The following RALB variants were observed in gnomAD, a reference collection of about 807,000 sequenced individuals.
RALB encodes the protein RAS like proto-oncogene B, also known as ras-related protein Ral-B.
A neutral mutation model predicts 21.3 loss-of-function variants in RALB; 16 were observed. The observed-to-expected ratio is 0.75, with a 90% CI of 0.51 to 1.14. The LOEUF (loss-of-function observed/expected upper bound fraction) is 1.14, where lower values mean the gene tolerates loss of function less well. Ranked by LOEUF, RALB falls within the 50% of genes most tolerant of loss-of-function variation. RALB has a pLI of 0.00. For synonymous variants in RALB, 93 were observed against 96.1 expected (o/e 0.97, Z 0.19); for missense variants, 161 against 256.2 (o/e 0.63, Z 2.54).
intron 1 of RALB, among the ~76,000 whole-genome samples, chr2:120,260,924 G>T (rs757466394): frequency 6.6e-6 from 1 of 152,194 alleles, no homozygotes; most frequent in Non-Finnish European, 1.5e-5. Context: ...AATGGTTTCC[G>T]TAAATAGTGA....
intron 1 of RALB, among the ~76,000 whole-genome samples, chr2:120,269,415 C>A (rs1260157164): frequency 6.6e-6 from 1 of 152,138 alleles, no homozygotes; most frequent in African/African-American, 2.4e-5. Flanking sequence ...GTGACCTGAG[C>A]AGGTTGCTGC....
chr2:120,278,900 G>T, intron 2 of RALB, 122 bp downstream of exon 2: 2 of 924,726 alleles, frequency 2.2e-6, no homozygotes, highest in Non-Finnish European at 1.5e-6. Flanking sequence ...CTGTGTTGAG[G>T]TGGCTTCTGA....
intron 3 of RALB, among the ~76,000 whole-genome samples, chr2:120,289,124 A>C (rs560833693): frequency 5.3e-5 from 8 of 152,354 alleles, no homozygotes; most frequent in Non-Finnish European, 1.0e-4. Flanking sequence ...CCATATAGAA[A>C]ACACTGGATT....
upstream of RALB, among the ~76,000 whole-genome samples, chr2:120,249,157 C>T (rs887951421): frequency 4.6e-5 from 7 of 151,880 alleles, no homozygotes; most frequent in African/African-American, 7.3e-5. Context: ...CTCAGCCTCC[C>T]GAGTAGCTGG....
At chr2:120,246,572 G>T (rs967718049) in intron 1 of RALB, among the ~76,000 whole-genome samples, 3 of 152,066 alleles carry the variant, frequency 2.0e-5, no homozygotes, top group African/African-American at 7.2e-5. Flanking sequence ...TGTCCTCTTT[G>T]TCTGTCTGTC....
At chr2:120,278,568 G>C (rs1234696475) in intron 1 of RALB, 50 bp from the exon 2 acceptor site, 1 of 1,373,838 alleles carries the variant, frequency 7.3e-7, no homozygotes, top group East Asian at 2.9e-5. Context: ...TTTGGTTTTA[G>C]CTAGGTTGAA....
chr2:120,273,005 T>C (rs1689703217), intron 1 of RALB, among the ~76,000 whole-genome samples: 1 of 152,192 alleles, frequency 6.6e-6, no homozygotes, highest in Non-Finnish European at 1.5e-5. Flanking sequence ...CTTAAACAGT[T>C]AGAAGTTTCT....
intron 1 of RALB, among the ~76,000 whole-genome samples, chr2:120,277,813 G>C (rs1689862256): frequency 6.6e-6 from 1 of 150,686 alleles, no homozygotes; most frequent in Admixed American, 6.6e-5. Context: ...GAGAGCGTGT[G>C]AGAGCAAGTG....
At chr2:120,289,489 T>G in intron 3 of RALB, 91 bp from the exon 4 acceptor site, 1 of 1,353,932 alleles carries the variant, frequency 7.4e-7, no homozygotes, top group Non-Finnish European at 1.0e-6. Context: ...TCCTTCTGCC[T>G]TAGGAAAGCC....
intron 1 of RALB, among the ~76,000 whole-genome samples, chr2:120,276,698 T>G (rs1040122623): frequency 2.0e-5 from 3 of 152,296 alleles, no homozygotes; most frequent in African/African-American, 7.2e-5. Flanking sequence ...TGTATCACTC[T>G]TACAATTAGA....
intron 1 of RALB, among the ~76,000 whole-genome samples, chr2:120,272,365 CTG>C (rs922570623): frequency 1.3e-5 from 2 of 152,180 alleles, no homozygotes; most frequent in African/African-American, 4.8e-5. Context: ...AAATGAATGT[CTG>C]TGCTTCATGT....
upstream of RALB, chr2:120,252,672 G>A (rs547708554): frequency 6.9e-6 from 4 of 575,836 alleles, no homozygotes; most frequent in Non-Finnish European, 8.8e-6. Context: ...CGTGCCTGGG[G>A]CAGCTTCTCA....
intron 1 of RALB, among the ~76,000 whole-genome samples, chr2:120,273,991 T>G (rs1689728256): frequency 1.3e-5 from 2 of 152,348 alleles, no homozygotes; most frequent in South Asian, 4.1e-4. Context: ...TTATTTCTTC[T>G]AGAGAAATTG....
At chr2:120,259,726 C>T (rs965387212) in intron 1 of RALB, among the ~76,000 whole-genome samples, 11 of 152,272 alleles carry the variant, frequency 7.2e-5, no homozygotes, top group African/African-American at 2.7e-4. Flanking sequence ...GTGGAGCTGC[C>T]TGCCAGTCCT....
intron 1 of RALB, among the ~76,000 whole-genome samples, chr2:120,255,293 T>C (rs934724): frequency 0.69 from 105,411 of 151,718 alleles, 37,217 homozygotes; most frequent in Middle Eastern, 0.8. Context: ...TAAATGAATG[T>C]ATGTTCTGAA....
chr2:120,251,132 G>C (rs1394101182), upstream of RALB, among the ~76,000 whole-genome samples: 1 of 152,236 alleles, frequency 6.6e-6, no homozygotes, highest in Non-Finnish European at 1.5e-5. Context: ...CTGGCCTGTG[G>C]CCTGATTTCT....
rs915414317 is a variant in RALB at position 120,289,726 on chromosome 2, C to T, written c.470C>T (p.Thr157Met). The change falls in exon 4 of 5, where the codon ACG becomes ATG. Residue 157 changes from threonine to methionine, a missense_variant. Transcript: ENST00000272519. ...AEEWGVQYVE[T>M]SAKTRANVDK... is the part of the protein sequence containing the mutation. ...GAGTGGGGCGTGCAGTACGTGGAGACGTCAGCGAAGACCCGGGCCAACGTG... is the reference window on the plus strand; with the variant it reads ...GAGTGGGGCGTGCAGTACGTGGAGATGTCAGCGAAGACCCGGGCCAACGTG... 4.3e-6 allele frequency: 7 copies of T among 1,611,206 alleles called. No individual in the cohort carries two copies. Among genetic ancestry groups the T allele is most frequent in the Non-Finnish European group, 4.2e-6 (5 of 1,178,818 alleles).
At chr2:120,284,329 G>T (rs945325459) in intron 2 of RALB, among the ~76,000 whole-genome samples, 1 of 151,988 alleles carries the variant, frequency 6.6e-6, no homozygotes, top group Admixed American at 6.5e-5. Context: ...CCATTTTTAA[G>T]TTAAAAAAAT....
At position 120,277,947 on chromosome 2, in the gene RALB, ATG is replaced by A. The variant is rs34952113; in HGVS notation, c.-47-666_-47-665del. Among the ~76,000 whole-genome samples, 9 of 145,506 alleles carry A rather than the reference ATG, an allele frequency of 6.2e-5. No individual in the cohort carries two copies. The South Asian group carries it at 6.6e-4, about 11-fold the overall frequency. On this transcript the variant is annotated intron_variant, in intron 1 of 4. Coordinates refer to ENST00000272519, the MANE Select transcript of RALB (RefSeq NM_002881.3). ...TGTGAGCGTGTGTGAGCGAGTGTGAATGTGTGAATGTGAGTGAATGTGTGTGA... is the reference window on the plus strand; with the variant it reads ...TGTGAGCGTGTGTGAGCGAGTGTGAATGTGAATGTGAGTGAATGTGTGTGA...
Sources: gnomAD v4.1 joint callset for allele counts (sites outside exome capture counted in the v4.1 genomes callset) on GRCh38, gnomAD v4.1.1 for gene constraint, MANE v1.5 for transcripts, NCBI Gene and HGNC (gene_info 2026-07-23, HGNC 2026-07-21) for gene names.